The following THSD4 variants were observed in gnomAD, a reference collection of about 807,000 sequenced individuals.
THSD4 encodes thrombospondin type-1 domain-containing protein 4.
A neutral mutation model predicts 119.0 loss-of-function variants in THSD4; 69 were observed. The ratio of observed to expected loss-of-function variants is 0.58; its 90% CI spans 0.48 to 0.71. The LOEUF (loss-of-function observed/expected upper bound fraction) is 0.71. THSD4 is among the 30% of genes least tolerant of loss of function. THSD4 has a pLI of 0.00. For missense variants in THSD4, 1,393 were observed against 1,391.1 expected (o/e 1.00, Z -0.02); for synonymous variants, 524 against 540.4 (o/e 0.97, Z 0.42).
At chr15:71,659,950 A>G (rs1343338800) in intron 7 of THSD4, among the ~76,000 whole-genome samples, 1 of 152,066 alleles carries the variant, frequency 6.6e-6, no homozygotes, top group African/African-American at 2.4e-5. Context: ...GCTTACCTTC[A>G]TCCTTCTGCT....
chr15:71,667,553 T>G (rs1447957684), intron 8 of THSD4, among the ~76,000 whole-genome samples: 1 of 152,226 alleles, frequency 6.6e-6, no homozygotes, highest in African/African-American at 2.4e-5. Context: ...GTATTCTTAC[T>G]TTTAAGCATG....
intron 7 of THSD4, among the ~76,000 whole-genome samples, chr15:71,468,932 G>A (rs2140634896): frequency 6.6e-6 from 1 of 152,334 alleles, no homozygotes; most frequent in South Asian, 2.1e-4. Flanking sequence ...ACCACACCTA[G>A]TTACAAAGTA....
At chr15:71,333,397 G>A (rs1275092871) in intron 6 of THSD4, among the ~76,000 whole-genome samples, 1 of 152,162 alleles carries the variant, frequency 6.6e-6, no homozygotes, top group Non-Finnish European at 1.5e-5. Context: ...ATTGCCCATG[G>A]AGATTCCAAA....
intron 8 of THSD4, among the ~76,000 whole-genome samples, chr15:71,705,113 T>C (rs2052369092): frequency 6.6e-6 from 1 of 152,112 alleles, no homozygotes; most frequent in South Asian, 2.1e-4. Context: ...CCTAATCCAC[T>C]GAAGGGCAGT....
intron 7 of THSD4, among the ~76,000 whole-genome samples, chr15:71,596,836 A>G (rs4776563): frequency 0.16 from 24,505 of 152,076 alleles, 2,534 homozygotes; most frequent in East Asian, 0.49. Flanking sequence ...AAGAGTGGCA[A>G]TGGTTTGTCG....
intron 4 of THSD4, among the ~76,000 whole-genome samples, chr15:71,242,089 C>G (rs1477805740): frequency 6.6e-6 from 1 of 152,128 alleles, no homozygotes; most frequent in Non-Finnish European, 1.5e-5. Context: ...AAAGTCAGTG[C>G]AAGTGAGGCC....
At chr15:71,684,711 C>T (rs950760930) in intron 8 of THSD4, among the ~76,000 whole-genome samples, 6 of 151,568 alleles carry the variant, frequency 4.0e-5, no homozygotes, top group Non-Finnish European at 8.8e-5. Flanking sequence ...ATCTGTATTC[C>T]GAAGTGAGAT....
chr15:71,213,444 G>A (rs906303943), intron 3 of THSD4, among the ~76,000 whole-genome samples: 15 of 152,144 alleles, frequency 9.9e-5, no homozygotes, highest in South Asian at 2.1e-4. Context: ...AATTCTCCCC[G>A]CCTTCACCCT....
At chr15:71,482,567 G>A (rs1238218903) in intron 7 of THSD4, among the ~76,000 whole-genome samples, 1 of 151,720 alleles carries the variant, frequency 6.6e-6, no homozygotes, top group Non-Finnish European at 1.5e-5. Context: ...TGGGATTATA[G>A]GCATGAGCCA....
intron 1 of THSD4, among the ~76,000 whole-genome samples, chr15:71,124,030 T>A (rs12909954): frequency 0.41 from 62,546 of 152,116 alleles, 13,826 homozygotes; most frequent in Middle Eastern, 0.53. Flanking sequence ...GTTGCCAAGC[T>A]GGTGGTCGTG....
chr15:71,660,362 G>A (rs2051277341), intron 7 of THSD4, 168 bp from the exon 8 acceptor site: 1 of 723,132 alleles, frequency 1.4e-6, no homozygotes, highest in Non-Finnish European at 2.3e-6. Context: ...AACAAACTCT[G>A]TTTTATTTAC....
chr15:71,193,769 G>A (rs531767025), intron 3 of THSD4, among the ~76,000 whole-genome samples: 28 of 152,168 alleles, frequency 1.8e-4, no homozygotes, highest in Admixed American at 3.3e-4. Context: ...GTGCAGTGGC[G>A]TGATCTCGGC....
intron 8 of THSD4, among the ~76,000 whole-genome samples, chr15:71,690,406 T>A (rs527443607): frequency 1.3e-5 from 2 of 152,276 alleles, no homozygotes; most frequent in South Asian, 4.1e-4. Context: ...CACAAGGTCG[T>A]CTAGCAGAGT....
intron 7 of THSD4, among the ~76,000 whole-genome samples, chr15:71,616,042 G>A (rs1185236534): frequency 1.3e-5 from 2 of 152,130 alleles, no homozygotes; most frequent in East Asian, 3.8e-4. Context: ...TAGACACACA[G>A]TACAAATGTG....
At chr15:71,368,724 C>T (rs2046002247) in intron 6 of THSD4, among the ~76,000 whole-genome samples, 1 of 152,146 alleles carries the variant, frequency 6.6e-6, no homozygotes, top group Non-Finnish European at 1.5e-5. Flanking sequence ...AGTGTGATGC[C>T]TCCAGCTTTG....
intron 1 of THSD4, among the ~76,000 whole-genome samples, chr15:71,101,902 C>T (rs1046515546): frequency 1.7e-4 from 26 of 152,054 alleles, no homozygotes; most frequent in Non-Finnish European, 2.2e-4. Flanking sequence ...TTCGTAGAGA[C>T]GGGGTTTCAC....
At chr15:71,366,601 G>C (rs1352944004) in intron 6 of THSD4, among the ~76,000 whole-genome samples, 1 of 152,060 alleles carries the variant, frequency 6.6e-6, no homozygotes, top group African/African-American at 2.4e-5. Flanking sequence ...CACTATATGG[G>C]CCCTCTCAGT....
chr15:71,715,246 T>G (rs1160382622), intron 8 of THSD4, among the ~76,000 whole-genome samples: 1 of 152,200 alleles, frequency 6.6e-6, no homozygotes, highest in Non-Finnish European at 1.5e-5. Flanking sequence ...CATCCTGTGT[T>G]TTTTAGGTTA....
At chr15:71,676,880 T>C (rs1008951581) in intron 8 of THSD4, among the ~76,000 whole-genome samples, 3 of 152,252 alleles carry the variant, frequency 2.0e-5, no homozygotes, top group Non-Finnish European at 2.9e-5. Flanking sequence ...GTTTCTCTCT[T>C]TTGGTTATTG....
Sources: gnomAD v4.1 joint callset for allele counts (sites outside exome capture counted in the v4.1 genomes callset) on GRCh38, gnomAD v4.1.1 for gene constraint, MANE v1.5 for transcripts, NCBI Gene and HGNC (gene_info 2026-07-23, HGNC 2026-07-21) for gene names.